CDC14A: variants seen among roughly 807,000 people sequenced by gnomAD.
CDC14A encodes dual specificity protein phosphatase CDC14A.
In CDC14A, 53 loss-of-function variants were observed where a neutral mutation model predicts 74.4. The ratio of observed to expected loss-of-function variants is 0.71; its 90% CI spans 0.57 to 0.89. The LOEUF is 0.89. CDC14A is among the 40% of genes least tolerant of loss of function. The pLI is 0.00. For synonymous variants in CDC14A, 247 were observed against 258.4 expected, an observed-to-expected ratio of 0.96 and a Z score of 0.43; for missense variants, 646 against 713.7, an observed-to-expected ratio of 0.91 and a Z score of 1.08.
intron 11 of CDC14A, among the ~76,000 whole-genome samples, chr1:100,491,542 CTCTCTCTA>C (rs1351832275): frequency 8.5e-4 from 35 of 40,978 alleles, no homozygotes; most frequent in African/African-American, 2.3e-3. Context: ...CTCTCTCTCT[CTCTCTCTA>C]TATATATATA....
At chr1:100,410,201 G>A (rs149697442) in intron 4 of CDC14A, among the ~76,000 whole-genome samples, 25 of 148,648 alleles carry the variant, frequency 1.7e-4, no homozygotes, top group African/African-American at 5.7e-4. Context: ...GACTGAGTAA[G>A]ACTCTGGCTA....
upstream of CDC14A, chr1:100,351,831 C>T (rs1238715018): frequency 2.6e-6 from 4 of 1,531,080 alleles, no homozygotes; most frequent in Non-Finnish European, 3.5e-6. Context: ...GAAACCAATA[C>T]ATGTACTGTG....
chr1:100,396,735 G>A (rs1287425134), intron 4 of CDC14A, among the ~76,000 whole-genome samples: 1 of 152,182 alleles, frequency 6.6e-6, no homozygotes, highest in African/African-American at 2.4e-5. Flanking sequence ...AAAATGTACA[G>A]CTCAGTGGCA....
intron 10 of CDC14A, among the ~76,000 whole-genome samples, chr1:100,472,768 C>CT (rs531436080): frequency 4.0e-5 from 6 of 150,386 alleles, no homozygotes; most frequent in South Asian, 2.1e-4. Context: ...GGTCAAGCTT[C>CT]TTTTTTTTTG....
In CDC14A at chr1:100,509,650, AGAAG is replaced by A. The variant is rs1354112953; in HGVS notation, c.1756-8600_1756-8597del. On this transcript the variant is annotated intron_variant, in intron 15 of 15. Coordinates refer to ENST00000336454, the MANE Select transcript of CDC14A (RefSeq NM_003672.4). ...CATGTGGATGTGCATGCATGTGCAA[AGAAG>A]CACAGACACCACGTGCACATTGCTT... Among the ~76,000 whole-genome samples, 4 of 152,376 alleles carry A rather than the reference AGAAG, an allele frequency of 2.6e-5. No individual in the cohort carries two copies. In the East Asian group the frequency reaches 7.7e-4, roughly 29 times the overall value.
upstream of CDC14A, chr1:100,351,633 C>A: frequency 2.3e-6 from 2 of 886,502 alleles, no homozygotes; most frequent in Non-Finnish European, 3.5e-6. Flanking sequence ...TCCCTCCGCG[C>A]CCGCCCAGGC....
chr1:100,432,528 A>G (rs964646573), intron 5 of CDC14A, among the ~76,000 whole-genome samples: 1 of 152,148 alleles, frequency 6.6e-6, no homozygotes, highest in African/African-American at 2.4e-5. Context: ...GGGTGTGGTG[A>G]CTCACAGCTG....
Position 100,468,106 on chromosome 1 carries a change from G to T in CDC14A, c.977+12G>T. 2 of 1,613,370 alleles carry T rather than the reference G, an allele frequency of 1.2e-6. No homozygotes were observed. The highest frequency in any genetic ancestry group is 1.7e-6 in the Non-Finnish European group (2 of 1,179,720). ...CACTTCCTGGAAGAGTAAGTATATTGTCCCCATTACCACATTATATCCTGT... is the reference window on the plus strand; with the variant it reads ...CACTTCCTGGAAGAGTAAGTATATTTTCCCCATTACCACATTATATCCTGT... On this transcript the variant is annotated intron_variant, in intron 10 of 15. Coordinates refer to ENST00000336454, the MANE Select transcript of CDC14A (RefSeq NM_003672.4).
intron 15 of CDC14A, among the ~76,000 whole-genome samples, chr1:100,503,273 G>A (rs1648942049): frequency 6.6e-6 from 1 of 152,178 alleles, no homozygotes; most frequent in South Asian, 2.1e-4. Context: ...CTGAAGATGT[G>A]AGATTAGGAG....
chr1:100,498,904 C>A, intron 14 of CDC14A, 25 bp from the exon 15 acceptor site: 1 of 1,588,380 alleles, frequency 6.3e-7, no homozygotes, highest in Non-Finnish European at 8.6e-7. Context: ...TGTTTTTTCC[C>A]TCCTCACTTG....
At chr1:100,360,719 T>C (rs1304054441) in intron 2 of CDC14A, among the ~76,000 whole-genome samples, 1 of 152,182 alleles carries the variant, frequency 6.6e-6, no homozygotes, top group African/African-American at 2.4e-5. Context: ...TATCTGCTGT[T>C]TTGACCTCTT....
chr1:100,392,423 A>G (rs536590735), intron 4 of CDC14A, among the ~76,000 whole-genome samples: 5 of 150,982 alleles, frequency 3.3e-5, no homozygotes, highest in African/African-American at 1.2e-4. Flanking sequence ...ATTGCCATCA[A>G]GAAGAGGTCA....
At chr1:100,348,678 T>G (rs74103120), upstream of CDC14A, among the ~76,000 whole-genome samples, 2 of 152,002 alleles carry the variant, frequency 1.3e-5, no homozygotes, top group African/African-American at 4.8e-5. Context: ...TAAGGAGAAA[T>G]GGAAGGTGTT....
chr1:100,384,280 C>A (rs1446032575), intron 3 of CDC14A, among the ~76,000 whole-genome samples: 2 of 152,052 alleles, frequency 1.3e-5, no homozygotes, highest in East Asian at 3.8e-4. Flanking sequence ...ATAACAGGGG[C>A]AAAACTTTGA....
intron 4 of CDC14A, among the ~76,000 whole-genome samples, chr1:100,408,340 C>T (rs193101977): frequency 3.0e-4 from 46 of 152,194 alleles, no homozygotes; most frequent in Middle Eastern, 3.4e-3. Context: ...AGGTTGATTC[C>T]GTGTCTTTGC....
chr1:100,393,413 A>T, intron 4 of CDC14A: 6 of 804,652 alleles, frequency 7.5e-6, no homozygotes. Flanking sequence ...CAGTAATGCC[A>T]TTTTTTTGAC....
chr1:100,481,191 C>T (rs1669433600), intron 10 of CDC14A: 1 of 152,322 alleles, frequency 6.6e-6, no homozygotes, highest in Admixed American at 6.5e-5. Flanking sequence ...GTACTCAAGT[C>T]ATGGCTAGAG....
chr1:100,468,196 G>T (rs1668036809), intron 10 of CDC14A, 102 bp downstream of exon 10: 3 of 1,343,576 alleles, frequency 2.2e-6, no homozygotes, highest in African/African-American at 1.5e-5. Flanking sequence ...TTATAAAATG[G>T]CTGCATTGTT....
At chr1:100,412,728 T>TATATATATATAAAAA in intron 4 of CDC14A, among the ~76,000 whole-genome samples, 1 of 98,210 alleles carries the variant, frequency 1.0e-5, no homozygotes, top group South Asian at 2.6e-4. Context: ...ATATATTTTA[T>TATATATATATAAAAA]ATATATATAT....
Sources: gnomAD v4.1 joint callset for allele counts (sites outside exome capture counted in the v4.1 genomes callset) on GRCh38, gnomAD v4.1.1 for gene constraint, MANE v1.5 for transcripts, NCBI Gene and HGNC (gene_info 2026-07-23, HGNC 2026-07-21) for gene names.